CEP164: variants seen among roughly 807,000 people sequenced by gnomAD.
CEP164 encodes the protein centrosomal protein 164, also known as centrosomal protein of 164 kDa.
CEP164 carries 162 observed loss-of-function variants against 182.7 expected under a neutral mutation model. The observed-to-expected ratio is 0.89, with a 90% CI of 0.78 to 1.01. The LOEUF (loss-of-function observed/expected upper bound fraction) is 1.01. CEP164 is among the 50% of genes least tolerant of loss of function. The pLI, the probability that CEP164 is intolerant of heterozygous loss-of-function variation, is 0.00. For synonymous variants in CEP164, 661 were observed against 690.0 expected (o/e 0.96, Z 0.66); for missense variants, 1,735 against 1,790.4 (o/e 0.97, Z 0.56).
At chr11:117,366,715 G>A (rs1251434700) in intron 8 of CEP164, among the ~76,000 whole-genome samples, 1 of 152,126 alleles carries the variant, frequency 6.6e-6, no homozygotes, top group Non-Finnish European at 1.5e-5. Context: ...AAAATAAATT[G>A]GACTGATGAT....
intron 27 of CEP164, among the ~76,000 whole-genome samples, chr11:117,399,045 T>C (rs550500919): frequency 6.6e-6 from 1 of 152,334 alleles, no homozygotes; most frequent in African/African-American, 2.4e-5. Flanking sequence ...TGCAGGTTTG[T>C]TACATAGGTA....
At chr11:117,355,266 C>G in intron 5 of CEP164, 1 of 1,289,744 alleles carries the variant, frequency 7.8e-7, no homozygotes, top group Non-Finnish European at 1.0e-6. Flanking sequence ...CTCCAGAAGG[C>G]GACAGAGAAA....
rs1469881710 is a variant in CEP164, at chr11:117,371,330, C to G, written c.1016C>G (p.Pro339Arg). 3.1e-6 allele frequency: 5 copies of G among 1,614,222 alleles called. No homozygotes were observed. Among genetic ancestry groups the G allele is most frequent in the Non-Finnish European group, 4.2e-6 (5 of 1,180,044 alleles). Reference protein sequence around the residue: ...TPKADPTGSEPAKASEKEAPE... With the variant: ...TPKADPTGSERAKASEKEAPE... ...AAGGCAGACCCTACAGGCAGTGAGCCTGCCAAAGCCTCTGAAAAGGAAGCA... is the reference window on the plus strand; with the variant it reads ...AAGGCAGACCCTACAGGCAGTGAGCGTGCCAAAGCCTCTGAAAAGGAAGCA... The change falls in exon 9 of 33, where the codon CCT (proline) becomes CGT (arginine). Residue 339 changes from proline to arginine, a missense_variant. Physicochemically the swap from Pro to Arg is moderately radical, Grantham distance 103 (BLOSUM62 -2). Coordinates refer to ENST00000278935, the MANE Select transcript of CEP164 (RefSeq NM_014956.5).
At chr11:117,355,271 G>T in intron 5 of CEP164, 1 of 1,289,846 alleles carries the variant, frequency 7.8e-7, no homozygotes, top group Non-Finnish European at 1.0e-6. Context: ...GAAGGCGACA[G>T]AGAAAATCTA....
chr11:117,366,918 C>T (rs1161137067), intron 8 of CEP164, among the ~76,000 whole-genome samples: 1 of 152,160 alleles, frequency 6.6e-6, no homozygotes, highest in Non-Finnish European at 1.5e-5. Flanking sequence ...CTCTCTCCTG[C>T]TCTCTCCTCC....
rs1318886330 is a variant in CEP164, at chr11:117,373,753, A to G, written c.1155A>G (p.Glu385=). Residue 385 remains glutamate (E), a splice_region_variant and synonymous_variant, in exon 10 of 33, where the codon GAA becomes GAG. Transcript: ENST00000278935. ...TCTCTGTGGGTCTGTCTCTCCAGGA[A>G]CTGGAAATTAGTGAACACATGAAGG... ...LEEGSSDASQ[E]LEISEHMKEP... 6.2e-7 allele frequency: 1 copy of G among 1,613,800 alleles called. No individual in the cohort carries two copies.
upstream of CEP164, chr11:117,323,790 C>T (rs535584051): frequency 1.1e-5 from 3 of 275,374 alleles, no homozygotes; most frequent in South Asian, 6.2e-5. Flanking sequence ...GCCATTTTAA[C>T]TGGAATAAGG....
intron 23 of CEP164, among the ~76,000 whole-genome samples, 162 bp downstream of exon 23, chr11:117,395,353 G>C (rs1031119256): frequency 6.6e-6 from 1 of 152,190 alleles, no homozygotes; most frequent in Non-Finnish European, 1.5e-5. Flanking sequence ...GACCCCACTT[G>C]GGAACCTCAA....
chr11:117,404,200 C>T (rs186240335), intron 27 of CEP164, among the ~76,000 whole-genome samples: 2 of 152,166 alleles, frequency 1.3e-5, no homozygotes, highest in African/African-American at 2.4e-5. Flanking sequence ...CCCTTGCTGG[C>T]GAGGAGTTGT....
At chr11:117,340,970 G>T (rs939148154) in intron 3 of CEP164, among the ~76,000 whole-genome samples, 2 of 152,120 alleles carry the variant, frequency 1.3e-5, no homozygotes, top group African/African-American at 4.8e-5. Context: ...GGGACTACAG[G>T]TGCACGCCAC....
intron 2 of CEP164, chr11:117,336,540 AGGT>A (rs2037149064): frequency 2.0e-6 from 3 of 1,529,608 alleles, no homozygotes; most frequent in Admixed American, 1.8e-5. Context: ...GTGGATTGAT[AGGT>A]GGTGGGTGGG....
intron 4 of CEP164, among the ~76,000 whole-genome samples, chr11:117,350,995 C>T (rs558908630): frequency 6.6e-6 from 1 of 152,276 alleles, no homozygotes; most frequent in East Asian, 1.9e-4. Flanking sequence ...TTATTTTCTT[C>T]TACCATCATC....
intron 5 of CEP164, among the ~76,000 whole-genome samples, chr11:117,359,175 C>T (rs2508664): frequency 0.2 from 30,813 of 151,986 alleles, 3,155 homozygotes; most frequent in Admixed American, 0.25. Context: ...AATTCCTGAC[C>T]TTAGGTAATC....
At chr11:117,376,387 G>A (rs2136026129) in intron 11 of CEP164, among the ~76,000 whole-genome samples, 1 of 152,342 alleles carries the variant, frequency 6.6e-6, no homozygotes, top group African/African-American at 2.4e-5. Flanking sequence ...TGTGGGCATG[G>A]ATGATGATTG....
chr11:117,336,988 G>A (rs995012590), intron 2 of CEP164, among the ~76,000 whole-genome samples: 1 of 152,096 alleles, frequency 6.6e-6, no homozygotes, highest in Non-Finnish European at 1.5e-5. Flanking sequence ...GGGGTGGGAA[G>A]AGAGGAGCAA....
chr11:117,329,142 G>C (rs192170171), intron 1 of CEP164, among the ~76,000 whole-genome samples: 5 of 152,278 alleles, frequency 3.3e-5, no homozygotes, highest in Non-Finnish European at 7.4e-5. Flanking sequence ...CTGGAGTGCA[G>C]TTGGTATTCA....
intron 4 of CEP164, among the ~76,000 whole-genome samples, chr11:117,344,917 G>C (rs1163521193): frequency 6.6e-6 from 1 of 150,732 alleles, no homozygotes; most frequent in African/African-American, 2.4e-5. Context: ...GACAGAGCGA[G>C]ACTCCATCTC....
At chr11:117,383,035 C>T in intron 14 of CEP164, 93 bp downstream of exon 14, 1 of 1,418,204 alleles carries the variant, frequency 7.1e-7, no homozygotes, top group Non-Finnish European at 9.5e-7. Context: ...AGGTGGGGCT[C>T]AGGCTCTGGC....
In CEP164 at chr11:117,387,373, A is replaced by G. The variant is rs764913789; in HGVS notation, c.1895A>G (p.Glu632Gly). 1 of 1,614,148 alleles carries G rather than the reference A, an allele frequency of 6.2e-7. No homozygotes were observed. Among genetic ancestry groups the G allele is most frequent in the South Asian group, 1.1e-5 (1 of 91,082 alleles). The stretch of plus-strand genomic sequence containing the variant: ...AAGCTGTGCCAAGAGGAGGAAGAGG[A>G]GATCCTCCGGCTTCACCAGCAGAAA... ...REKLCQEEEE[E>G]ILRLHQQKEQ... The change falls in exon 15 of 33, where the codon GAG (glutamate) becomes GGG (glycine). Residue 632 changes from glutamate (E) to glycine (G), a missense_variant. By Grantham distance (98) the Glu-to-Gly change is moderately conservative. Coordinates refer to ENST00000278935, the MANE Select transcript of CEP164 (RefSeq NM_014956.5).
Sources: gnomAD v4.1 joint callset for allele counts (sites outside exome capture counted in the v4.1 genomes callset) on GRCh38, gnomAD v4.1.1 for gene constraint, MANE v1.5 for transcripts, NCBI Gene and HGNC (gene_info 2026-07-23, HGNC 2026-07-21) for gene names.